The following PDE7B variants were observed in gnomAD, a reference collection of about 807,000 sequenced individuals.
PDE7B encodes 3',5'-cyclic-AMP phosphodiesterase 7B.
PDE7B carries 29 observed loss-of-function variants against 56.2 expected under a neutral mutation model. The observed-to-expected ratio is 0.52, with a 90% CI of 0.38 to 0.70. PDE7B has a LOEUF of 0.70. Among genes scored for constraint, PDE7B ranks in the 30% least tolerant of loss-of-function variants. The pLI is 0.00. For synonymous variants in PDE7B, 197 were observed against 196.9 expected (o/e 1.00, Z 0.00); for missense variants, 490 against 565.0 (o/e 0.87, Z 1.35).
intron 2 of PDE7B, among the ~76,000 whole-genome samples, chr6:136,088,496 C>G (rs1777329151): frequency 6.6e-6 from 1 of 152,170 alleles, no homozygotes; most frequent in Non-Finnish European, 1.5e-5. Flanking sequence ...CATTAAAAGT[C>G]TTCAAACTTT....
At chr6:136,128,759 A>G (rs17065291) in intron 3 of PDE7B, among the ~76,000 whole-genome samples, 2,426 of 152,252 alleles carry the variant, frequency 0.016, 61 homozygotes, top group African/African-American at 0.054. Flanking sequence ...TGCTTTGCTG[A>G]ATATAATTAG....
At chr6:135,892,523 T>C (rs755350502) in intron 1 of PDE7B, among the ~76,000 whole-genome samples, 13 of 152,158 alleles carry the variant, frequency 8.5e-5, no homozygotes, top group South Asian at 4.1e-4. Flanking sequence ...TAGTGAAGCA[T>C]ATGAAAGGAA....
chr6:135,984,243 T>G (rs1775342406), intron 2 of PDE7B, among the ~76,000 whole-genome samples: 1 of 152,190 alleles, frequency 6.6e-6, no homozygotes, highest in South Asian at 2.1e-4. Context: ...GACATCGAAG[T>G]TATTCATCGG....
At chr6:136,057,760 G>A (rs942382539) in intron 2 of PDE7B, among the ~76,000 whole-genome samples, 1 of 151,938 alleles carries the variant, frequency 6.6e-6, no homozygotes, top group South Asian at 2.1e-4. Context: ...TGTTTGAGAC[G>A]GAGTCTTGTT....
chr6:135,884,018 CTATATTTT>C (rs1269817556), intron 1 of PDE7B, among the ~76,000 whole-genome samples: 1 of 152,138 alleles, frequency 6.6e-6, no homozygotes, highest in Admixed American at 6.6e-5. Flanking sequence ...CTGAATATGA[CTATATTTT>C]ATAAATGTTT....
chr6:136,015,980 GT>G (rs1326738034), intron 2 of PDE7B, among the ~76,000 whole-genome samples: 1 of 152,060 alleles, frequency 6.6e-6, no homozygotes, highest in African/African-American at 2.4e-5. Context: ...AAAAGATGAT[GT>G]TTTTCACTTC....
chr6:136,148,499 A>AGGCAGGCAGGCAGGCAGGCAGGCAGGC (rs1562505873), intron 4 of PDE7B, among the ~76,000 whole-genome samples: 1 of 151,716 alleles, frequency 6.6e-6, no homozygotes, highest in Non-Finnish European at 1.5e-5. Flanking sequence ...GCAGGCAGGC[A>AGGCAGGCAGGCAGGCAGGCAGGCAGGC]ACTAATATAT....
Position 136,038,089 on chromosome 6 carries a change from A to G in PDE7B, c.83-70642A>G, listed in dbSNP as rs1776354854. 4 of 1,334,762 alleles carry G rather than the reference A, an allele frequency of 3.0e-6. No individual in the cohort carries two copies. In the African/African-American group the frequency reaches 5.9e-5, roughly 20 times the overall value. 82.7% of individuals were successfully genotyped at this position (1,334,762 alleles called of 1,614,324 possible). ...TTGTGGAGGGCCTGAAGAGACAGGG[A>G]GGTTGTGCCAGGCTGGAGGAGGCTT... On this transcript the variant is annotated intron_variant, in intron 2 of 12. Coordinates refer to ENST00000308191, the MANE Select transcript of PDE7B (RefSeq NM_018945.4).
chr6:136,072,842 A>C (rs1178766050), intron 2 of PDE7B: 1 of 152,078 alleles, frequency 6.6e-6, no homozygotes, highest in African/African-American at 2.4e-5. Context: ...GCCATGGTGG[A>C]TAGTGTTCTG....
intron 2 of PDE7B, among the ~76,000 whole-genome samples, chr6:135,973,065 A>G (rs1775120972): frequency 6.6e-6 from 1 of 152,216 alleles, no homozygotes; most frequent in Non-Finnish European, 1.5e-5. Context: ...GTTTTACAGC[A>G]GATATCTAGA....
intron 2 of PDE7B, among the ~76,000 whole-genome samples, chr6:135,975,655 T>A (rs1775172977): frequency 6.6e-6 from 1 of 150,564 alleles, no homozygotes; most frequent in African/African-American, 2.5e-5. Flanking sequence ...CTATTTTCAA[T>A]GTTCTGGGCT....
At chr6:135,994,185 G>A (rs1775524521) in intron 2 of PDE7B, among the ~76,000 whole-genome samples, 1 of 151,026 alleles carries the variant, frequency 6.6e-6, no homozygotes, top group Non-Finnish European at 1.5e-5. Flanking sequence ...ATTAAGAAGG[G>A]AGGTGGGAAG....
chr6:136,023,373 A>G (rs990918689), intron 2 of PDE7B, among the ~76,000 whole-genome samples: 4 of 152,214 alleles, frequency 2.6e-5, no homozygotes, highest in Non-Finnish European at 4.4e-5. Context: ...TTTACTAACC[A>G]GGCAGGACCC....
intron 2 of PDE7B, among the ~76,000 whole-genome samples, chr6:136,009,322 T>C (rs937993517): frequency 2.0e-5 from 3 of 152,140 alleles, no homozygotes; most frequent in Admixed American, 2.0e-4. Flanking sequence ...ATGTGGGCTC[T>C]TTTTTGGTTC....
intron 2 of PDE7B, among the ~76,000 whole-genome samples, chr6:136,041,322 AAGG>A (rs1348620305): frequency 1.3e-5 from 2 of 152,078 alleles, no homozygotes; most frequent in Non-Finnish European, 1.5e-5. Context: ...AAGGTAATAA[AAGG>A]AGAGAATAAA....
At chr6:136,055,889 C>G (rs9376174) in intron 2 of PDE7B, among the ~76,000 whole-genome samples, 63,082 of 151,994 alleles carry the variant, frequency 0.42, 13,294 homozygotes, top group South Asian at 0.5. Flanking sequence ...AAAGAACAAG[C>G]TTCTTTCTTT....
intron 4 of PDE7B, among the ~76,000 whole-genome samples, chr6:136,147,761 A>G (rs1184179043): frequency 6.6e-6 from 1 of 152,250 alleles, no homozygotes; most frequent in Non-Finnish European, 1.5e-5. Flanking sequence ...TTTCATTTTT[A>G]TAAAGGTACA....
intron 8 of PDE7B, among the ~76,000 whole-genome samples, chr6:136,172,392 T>G (rs978389493): frequency 1.3e-5 from 2 of 152,256 alleles, no homozygotes; most frequent in African/African-American, 4.8e-5. Flanking sequence ...TGGCCAGTGA[T>G]GGTGAGCATT....
intron 2 of PDE7B, among the ~76,000 whole-genome samples, chr6:135,972,025 G>T (rs1160133156): frequency 6.6e-6 from 1 of 151,852 alleles, no homozygotes; most frequent in African/African-American, 2.4e-5. Flanking sequence ...ACCTGAGGTT[G>T]GGAGTTCAAG....
Sources: allele counts gnomAD v4.1 joint callset (sites outside exome capture counted in the v4.1 genomes callset), GRCh38; gene constraint gnomAD v4.1.1; transcripts MANE v1.5; gene names NCBI Gene and HGNC (gene_info 2026-07-23, HGNC 2026-07-21).